Variants in FNIP2 observed in about 807,000 individuals in gnomAD.
The protein encoded by FNIP2 is folliculin-interacting protein 2.
In FNIP2, 32 loss-of-function variants were observed where a neutral mutation model predicts 108.7. The ratio of observed to expected loss-of-function variants is 0.29; its 90% CI spans 0.22 to 0.40. FNIP2 has a LOEUF of 0.40. FNIP2 is among the 10% of genes least tolerant of loss of function. FNIP2 has a pLI of 1.00. For synonymous variants in FNIP2, 480 were observed against 496.7 expected, an observed-to-expected ratio of 0.97 and a Z score of 0.45; for missense variants, 1,202 against 1,381.6, an observed-to-expected ratio of 0.87 and a Z score of 2.06.
At chr4:158,806,260 A>G in intron 1 of FNIP2, 2 of 1,289,396 alleles carry the variant, frequency 1.6e-6, no homozygotes, top group Non-Finnish European at 2.0e-6. Context: ...GTGCGGCGGC[A>G]CAGCGAACAC....
chr4:158,871,245 C>A (rs1320673775), intron 14 of FNIP2, among the ~76,000 whole-genome samples: 2 of 152,174 alleles, frequency 1.3e-5, no homozygotes. Flanking sequence ...AGGAAACTGT[C>A]AATCTGATGG....
At chr4:158,784,477 T>C (rs1331813066) in intron 1 of FNIP2, among the ~76,000 whole-genome samples, 1 of 152,238 alleles carries the variant, frequency 6.6e-6, no homozygotes, top group African/African-American at 2.4e-5. Context: ...TATTGTGTAC[T>C]TTATTTCTAT....
intron 12 of FNIP2, among the ~76,000 whole-genome samples, chr4:158,866,560 T>C (rs1230850873): frequency 4.6e-5 from 7 of 150,772 alleles, no homozygotes; most frequent in Admixed American, 2.6e-4. Flanking sequence ...AGTTTGATTA[T>C]ACAAAGATAC....
chr4:158,872,507 A>C (rs1781009356), intron 14 of FNIP2: 1 of 985,340 alleles, frequency 1.0e-6, no homozygotes, highest in African/African-American at 1.7e-5. Flanking sequence ...TATTAAGCAT[A>C]ATAACCTATA....
At chr4:158,893,842 A>C (rs1356417579) in intron 15 of FNIP2, 7 of 627,888 alleles carry the variant, frequency 1.1e-5, no homozygotes, top group Non-Finnish European at 1.9e-5. Context: ...CAAAGCAATA[A>C]ATTGTTATAG....
intron 3 of FNIP2, among the ~76,000 whole-genome samples, chr4:158,830,214 A>T (rs1778390704): frequency 6.7e-6 from 1 of 149,868 alleles, no homozygotes. Context: ...GAGAGAGAGG[A>T]ACCTAGCTGA....
chr4:158,783,446 T>C (rs1432459055), intron 1 of FNIP2, among the ~76,000 whole-genome samples: 1 of 152,220 alleles, frequency 6.6e-6, no homozygotes, highest in Non-Finnish European at 1.5e-5. Context: ...AAGGAGAAAA[T>C]AATTGGGTCT....
chr4:158,827,802 C>T (rs1450500338), intron 2 of FNIP2, among the ~76,000 whole-genome samples: 2 of 152,276 alleles, frequency 1.3e-5, no homozygotes, highest in Admixed American at 6.5e-5. Context: ...GTTTTCCTTA[C>T]GTTCTTTTCC....
intron 16 of FNIP2, among the ~76,000 whole-genome samples, chr4:158,904,142 T>C (rs895925155): frequency 6.6e-6 from 1 of 152,200 alleles, no homozygotes; most frequent in African/African-American, 2.4e-5. Flanking sequence ...TAAAGTATGA[T>C]ACAATGAAGT....
At chr4:158,839,909 G>C (rs1335758279) in intron 7 of FNIP2, among the ~76,000 whole-genome samples, 5 of 152,162 alleles carry the variant, frequency 3.3e-5, no homozygotes, top group Admixed American at 6.5e-5. Context: ...CACAAGCTGG[G>C]GCAGGTATGG....
chr4:158,903,604 T>G (rs1290831857), intron 16 of FNIP2, among the ~76,000 whole-genome samples: 1 of 152,158 alleles, frequency 6.6e-6, no homozygotes, highest in East Asian at 1.9e-4. Flanking sequence ...CATCCTTCCT[T>G]TATCCCCTTC....
At chr4:158,891,285 T>C (rs191869341) in intron 14 of FNIP2, among the ~76,000 whole-genome samples, 161 bp from the exon 15 acceptor site, 1 of 147,364 alleles carries the variant, frequency 6.8e-6, no homozygotes, top group East Asian at 2.1e-4. Flanking sequence ...GTGTTTACCC[T>C]ATTTACCCTA....
At chr4:158,859,478 T>C in intron 9 of FNIP2, 100 bp from the exon 10 acceptor site, 1 of 1,100,828 alleles carries the variant, frequency 9.1e-7, no homozygotes, top group East Asian at 2.6e-5. Flanking sequence ...TTACCTTGAG[T>C]GTTGTTAATT....
In FNIP2 at chr4:158,859,243, G is replaced by T. The variant is rs766030489; in HGVS notation, c.1044G>T (p.Lys348Asn). 6.2e-7 allele frequency: 1 copy of T among 1,607,114 alleles called. No homozygotes were observed. The highest frequency in any genetic ancestry group is 8.5e-7 in the Non-Finnish European group (1 of 1,176,080). Residue 348 changes from lysine (K) to asparagine (N), a missense_variant, in exon 9 of 17, where the codon AAG becomes AAT. By Grantham distance (94) the Lys-to-Asn change is moderately conservative (BLOSUM62 0). This residue lies in a region of FNIP2 where 878 missense variants were observed against 990.3 expected (regional missense o/e 0.89). Coordinates refer to ENST00000264433, the MANE Select transcript of FNIP2 (RefSeq NM_020840.3). Reference protein sequence around the residue: ...PLFESHMNRLKSAIEKAMISC... With the variant: ...PLFESHMNRLNSAIEKAMISC... ...TTGAATCTCACATGAACAGGCTGAA[G>T]AGTGCAATTGAAAAGGTAATAAGGA...
intron 1 of FNIP2, among the ~76,000 whole-genome samples, chr4:158,802,660 C>G (rs1159294806): frequency 1.6e-4 from 24 of 152,196 alleles, no homozygotes; most frequent in Admixed American, 1.6e-3. Context: ...TCTCCCAACT[C>G]TAAATTAGGC....
chr4:158,832,945 C>T (rs756769507), intron 5 of FNIP2, among the ~76,000 whole-genome samples: 1 of 152,136 alleles, frequency 6.6e-6, no homozygotes, highest in African/African-American at 2.4e-5. Flanking sequence ...CAGCAAAAGT[C>T]TTTAATTGTT....
intron 1 of FNIP2, chr4:158,794,557 G>A (rs1402968245): frequency 6.6e-6 from 1 of 152,288 alleles, no homozygotes; most frequent in Non-Finnish European, 1.5e-5. Context: ...ATGGTGGTTT[G>A]CTGCACCTAT....
At chr4:158,876,877 G>A (rs1255875216) in intron 14 of FNIP2, among the ~76,000 whole-genome samples, 1 of 152,198 alleles carries the variant, frequency 6.6e-6, no homozygotes, top group East Asian at 1.9e-4. Context: ...CATGCCTGCA[G>A]CTCTGTGTGT....
At chr4:158,804,202 A>G (rs1237856365) in intron 1 of FNIP2, among the ~76,000 whole-genome samples, 4 of 152,146 alleles carry the variant, frequency 2.6e-5, no homozygotes, top group African/African-American at 4.8e-5. Context: ...TCAGCCTCCC[A>G]AAATGCTGGG....
Sources: allele counts gnomAD v4.1 joint callset (sites outside exome capture counted in the v4.1 genomes callset), GRCh38; gene constraint gnomAD v4.1.1; regional missense constraint gnomAD v4.1.1; transcripts MANE v1.5; gene names NCBI Gene and HGNC (gene_info 2026-07-23, HGNC 2026-07-21).